The following TTC7B variants were observed in gnomAD, a reference collection of about 807,000 sequenced individuals.
TTC7B encodes tetratricopeptide repeat domain 7B.
In TTC7B, 28 loss-of-function variants were observed where a neutral mutation model predicts 106.8. The observed-to-expected ratio is 0.26, with a 90% CI of 0.19 to 0.36. The LOEUF (loss-of-function observed/expected upper bound fraction) is 0.36. Among genes scored for constraint, TTC7B ranks in the 10% least tolerant of loss-of-function variants. The pLI is 1.00. For synonymous variants in TTC7B, 405 were observed against 430.6 expected (o/e 0.94, Z 0.74); for missense variants, 862 against 1,076.4 (o/e 0.80, Z 2.79).
chr14:90,697,277 G>C (rs1249968029), intron 5 of TTC7B: 2 of 147,376 alleles, frequency 1.4e-5, no homozygotes, highest in Non-Finnish European at 2.9e-5. Flanking sequence ...CTAGGAAACA[G>C]AGTAAGCTAC....
In TTC7B at chr14:90,786,274, T is replaced by C; in HGVS notation, c.176A>G (p.Glu59Gly). Residue 59 changes from glutamate to glycine, a missense_variant, in exon 2 of 20, where the codon GAA becomes GGA. By Grantham distance (98) the Glu-to-Gly change is moderately conservative. Transcript: ENST00000328459. ...ACTGGCCCCCTGCCTCAGGGGGTGT[T>C]CCTTCAGGTACTGCTCCAGCTTCGA... ...GESKLEQYLK[E>G]HPLRQGASPR... 6.2e-7 allele frequency: 1 copy of C among 1,613,016 alleles called. No individual in the cohort carries two copies. The highest frequency in any genetic ancestry group is 2.2e-5 in the East Asian group (1 of 44,708).
At chr14:90,815,439 C>T (rs2031116799) in intron 1 of TTC7B, among the ~76,000 whole-genome samples, 1 of 152,020 alleles carries the variant, frequency 6.6e-6, no homozygotes, top group Non-Finnish European at 1.5e-5. Flanking sequence ...GCCCAGGCAC[C>T]AACCCCTCAC....
At chr14:90,599,064 T>C (rs1429876001) in intron 17 of TTC7B, among the ~76,000 whole-genome samples, 1 of 152,034 alleles carries the variant, frequency 6.6e-6, no homozygotes, top group East Asian at 1.9e-4. Context: ...GGCAGGAGAA[T>C]CGGTTGAACC....
chr14:90,776,589 C>A (rs61989881), intron 3 of TTC7B, among the ~76,000 whole-genome samples: 4 of 152,198 alleles, frequency 2.6e-5, no homozygotes, highest in Admixed American at 2.6e-4. Flanking sequence ...AGGAGGAAAC[C>A]CGGCAAAGGT....
intron 3 of TTC7B, among the ~76,000 whole-genome samples, chr14:90,770,330 T>A (rs970473110): frequency 7.2e-5 from 11 of 152,104 alleles, no homozygotes; most frequent in African/African-American, 2.7e-4. Context: ...ATAATAGTAG[T>A]TGGAAACTTC....
chr14:90,571,483 C>T (rs775526229), intron 19 of TTC7B, among the ~76,000 whole-genome samples: 2 of 152,124 alleles, frequency 1.3e-5, no homozygotes, highest in Non-Finnish European at 2.9e-5. Flanking sequence ...AGGCTGGGCA[C>T]TAAATACTTC....
At chr14:90,572,919 C>T (rs1347342490) in intron 19 of TTC7B, among the ~76,000 whole-genome samples, 2 of 152,186 alleles carry the variant, frequency 1.3e-5, no homozygotes, top group Non-Finnish European at 2.9e-5. Context: ...CCCCAGCGTA[C>T]TCTTTGGGCC....
chr14:90,726,484 T>G (rs1479483697), intron 5 of TTC7B, among the ~76,000 whole-genome samples: 3 of 152,194 alleles, frequency 2.0e-5, no homozygotes, highest in African/African-American at 7.2e-5. Flanking sequence ...GTGACCTGAA[T>G]CTGGTCCCAC....
intron 1 of TTC7B, among the ~76,000 whole-genome samples, chr14:90,790,651 TG>T (rs953428783): frequency 2.6e-5 from 4 of 152,116 alleles, no homozygotes; most frequent in Non-Finnish European, 5.9e-5. Context: ...ATGGCTCCTC[TG>T]GGCAGAATCT....
rs545487004 is a variant in TTC7B, at chr14:90,615,890, C to T, written c.1868+2039G>A. ...TCTGAGTGACCACTGGGGCCTCTACCGCCCACCCCATCCGCCAGTCCCCAC... is the reference window on the plus strand; with the variant it reads ...TCTGAGTGACCACTGGGGCCTCTACTGCCCACCCCATCCGCCAGTCCCCAC... On this transcript the variant is annotated intron_variant, in intron 16 of 19. Coordinates refer to ENST00000328459, the MANE Select transcript of TTC7B (RefSeq NM_001010854.2). Among the ~76,000 whole-genome samples, 3 of 152,262 alleles carry T rather than the reference C, an allele frequency of 2.0e-5. No individual in the cohort carries two copies. In the South Asian group the frequency reaches 6.2e-4, roughly 32 times the overall value.
chr14:90,679,142 C>T (rs1258523793), intron 8 of TTC7B, among the ~76,000 whole-genome samples: 2 of 152,180 alleles, frequency 1.3e-5, no homozygotes, highest in African/African-American at 4.8e-5. Context: ...TGACACCACC[C>T]TAAGTTATCA....
chr14:90,592,822 C>T lies in TTC7B; in HGVS notation c.2107+664G>A, dbSNP rs530005686. Among the ~76,000 whole-genome samples, 6 of 152,292 alleles carry T rather than the reference C, an allele frequency of 3.9e-5. No individual in the cohort carries two copies. In the South Asian group the frequency reaches 1.0e-3, roughly 26 times the overall value. ...ACTGGGGAAGGGGCACTCATGCCCC[C>T]CTTCCGGGCCAGTCTCCAGGTCAGA... On this transcript the variant is annotated intron_variant, in intron 18 of 19. Coordinates refer to ENST00000328459, the MANE Select transcript of TTC7B (RefSeq NM_001010854.2).
chr14:90,546,901 C>T (rs1889861061), intron 19 of TTC7B, among the ~76,000 whole-genome samples: 1 of 152,238 alleles, frequency 6.6e-6, no homozygotes, highest in Non-Finnish European at 1.5e-5. Flanking sequence ...GCCAGCGCTG[C>T]TGGGGCTTGA....
chr14:90,608,454 C>A lies in TTC7B; in HGVS notation c.1966+2288G>T, dbSNP rs773133627. 6.6e-6 allele frequency among the ~76,000 whole-genome samples: 1 copy of A among 152,086 alleles called. No homozygotes were observed. Among genetic ancestry groups the A allele is most frequent in the Non-Finnish European group, 1.5e-5 (1 of 68,024 alleles). On this transcript the variant is annotated intron_variant, in intron 17 of 19. Transcript: ENST00000328459. The surrounding 1 kb of genome is among the most constrained non-coding windows in gnomAD (Gnocchi z 5.1). ...CGCGTGGATGACTCAACAATGAAAC[C>A]GTCTGTGGCAGTGCCTGGGAGGCTG...
rs555143924 is a variant in TTC7B, at chr14:90,812,879, T to G, written c.121+3296A>C. Among the ~76,000 whole-genome samples, 15 of 152,190 alleles carry G rather than the reference T, an allele frequency of 9.9e-5. No individual in the cohort carries two copies. The South Asian group carries it at 3.1e-3, about 32-fold the overall frequency. On this transcript the variant is annotated intron_variant, in intron 1 of 19. Transcript: ENST00000328459. ...AAGGAGCCAGGCTGGGGCAGTACAC[T>G]CTGAAAGTGTCCACTATTTAGAGTC...
intron 18 of TTC7B, among the ~76,000 whole-genome samples, chr14:90,589,608 G>T (rs1018692662): frequency 5.9e-5 from 9 of 152,188 alleles, no homozygotes. Flanking sequence ...ACCTGAGAAT[G>T]TAAAGGGTAG....
intron 8 of TTC7B, among the ~76,000 whole-genome samples, chr14:90,677,096 C>T (rs1451233312): frequency 6.6e-6 from 1 of 152,154 alleles, no homozygotes. Context: ...AATTCCCAGC[C>T]CTGCATTTCC....
rs759325038 is a variant in TTC7B at position 90,578,245 on chromosome 14, T to C, written c.2171A>G (p.Asn724Ser). ...EATACTQEAA[N>S]LFPMSHNVLY... ...GACATTGTGGGACATTGGGAAGAGG[T>C]TGGCAGCTTCTTGGGTACAGGCTGT... The change falls in exon 19 of 20, where the codon AAC becomes AGC. Residue 724 changes from asparagine to serine, a missense_variant. By Grantham distance (46) the Asn-to-Ser change is conservative (BLOSUM62 1). Coordinates refer to ENST00000328459, the MANE Select transcript of TTC7B (RefSeq NM_001010854.2). The surrounding 1 kb of genome is among the most constrained non-coding windows in gnomAD (Gnocchi z 4.7). 6.2e-7 allele frequency: 1 copy of C among 1,614,168 alleles called. No individual in the cohort carries two copies. Among genetic ancestry groups the C allele is most frequent in the African/African-American group, 1.3e-5 (1 of 75,032 alleles).
chr14:90,744,831 T>C lies in TTC7B; in HGVS notation c.537A>G (p.Ala179=), dbSNP rs1053294143. 4 of 1,614,122 alleles carry C rather than the reference T, an allele frequency of 2.5e-6. No individual in the cohort carries two copies. The highest frequency in any genetic ancestry group is 3.4e-6 in the Non-Finnish European group (4 of 1,179,992). The stretch of plus-strand genomic sequence containing the variant: ...GGAGATACAGGAGTGCGATGTCCCC[T>C]GCTTTCTCATAACAGGTGATGACAT... ...EQDVITCYEK[A]GDIALLYLQE... The change falls in exon 4 of 20, where the codon GCA becomes GCG. Residue 179 remains alanine (A), a synonymous_variant. Coordinates refer to ENST00000328459, the MANE Select transcript of TTC7B (RefSeq NM_001010854.2).
Sources: gnomAD v4.1 joint callset for allele counts (sites outside exome capture counted in the v4.1 genomes callset) on GRCh38, gnomAD v4.1.1 for gene constraint, Gnocchi (gnomAD v3.1) non-coding constraint, MANE v1.5 for transcripts, NCBI Gene and HGNC (gene_info 2026-07-23, HGNC 2026-07-21) for gene names.